Variants in SAMD3 observed in about 807,000 individuals in gnomAD.
SAMD3 encodes sterile alpha motif domain containing 3, also known as sterile alpha motif domain-containing protein 3.
Under a neutral mutation model 58.5 loss-of-function variants are expected in SAMD3, and 63 were observed. That is an observed-to-expected ratio of 1.08 (90% CI 0.88 to 1.33). SAMD3 has a LOEUF of 1.33. Among genes scored for constraint, SAMD3 ranks in the 40% most tolerant of loss-of-function variants. The probability of loss-of-function intolerance (pLI) is 0.00; values close to 1 mark genes in which losing one functional copy is unlikely to be tolerated. For missense variants in SAMD3, 604 were observed against 608.4 expected, an observed-to-expected ratio of 0.99 and a Z score of 0.08; for synonymous variants, 220 against 210.3, an observed-to-expected ratio of 1.05 and a Z score of -0.40.
At chr6:130,247,913 TTC>T (rs1773607454) in intron 2 of SAMD3, among the ~76,000 whole-genome samples, 1 of 152,212 alleles carries the variant, frequency 6.6e-6, no homozygotes, top group African/African-American at 2.4e-5. Flanking sequence ...TCTAGTGTGT[TTC>T]TGTTTCTGCT....
At chr6:130,310,911 C>T (rs1776128603) in intron 2 of SAMD3, among the ~76,000 whole-genome samples, 1 of 152,136 alleles carries the variant, frequency 6.6e-6, no homozygotes, top group South Asian at 2.1e-4. Context: ...TTCGATTTTT[C>T]AATGATTAAA....
intron 1 of SAMD3, among the ~76,000 whole-genome samples, chr6:130,340,666 C>A (rs893386904): frequency 6.6e-6 from 1 of 152,158 alleles, no homozygotes; most frequent in Non-Finnish European, 1.5e-5. Flanking sequence ...TAGATTCTCA[C>A]AATTTCATCT....
At chr6:130,322,588 AT>A (rs1776623212) in intron 1 of SAMD3, among the ~76,000 whole-genome samples, 1 of 152,152 alleles carries the variant, frequency 6.6e-6, no homozygotes, top group East Asian at 1.9e-4. Flanking sequence ...GTGAGCCGAG[AT>A]TGCACCACTG....
rs143945413 is a variant in SAMD3 at position 130,183,904 on chromosome 6, A to G, written c.654+199T>C. Among the ~76,000 whole-genome samples, 450 of 152,314 alleles carry G rather than the reference A, an allele frequency of 3.0e-3. 2 individuals carry two copies. Among genetic ancestry groups the G allele is most frequent in the African/African-American group, 0.011 (438 of 41,568 alleles). ...CATGGACTAACAGAAAGTGAAAGAC[A>G]GAAACAAAGTTGGAGAGAGATTAAA... On this transcript the variant is annotated intron_variant, in intron 7 of 11. Transcript: ENST00000439090.
chr6:130,143,304 T>C (rs6913903), downstream of SAMD3: 141,045 of 152,368 alleles, frequency 0.93, 65,417 homozygotes, highest in East Asian at 1. Context: ...GGAGTACAAT[T>C]GCATGATCTT....
intron 1 of SAMD3, among the ~76,000 whole-genome samples, chr6:130,351,969 A>G (rs1488352878): frequency 6.6e-6 from 1 of 151,452 alleles, no homozygotes; most frequent in Non-Finnish European, 1.5e-5. Flanking sequence ...AAGGACAAAA[A>G]ACCAAACACC....
intron 9 of SAMD3, among the ~76,000 whole-genome samples, chr6:130,148,429 C>T (rs1345994709): frequency 6.6e-6 from 1 of 152,198 alleles, no homozygotes; most frequent in Non-Finnish European, 1.5e-5. Flanking sequence ...GCAAGCACTT[C>T]CTTCATTTCT....
chr6:130,208,381 C>T (rs1795255920), intron 5 of SAMD3, among the ~76,000 whole-genome samples: 1 of 152,154 alleles, frequency 6.6e-6, no homozygotes, highest in Admixed American at 6.6e-5. Context: ...GGTTCTTAAC[C>T]CTCAGGACAC....
intron 2 of SAMD3, among the ~76,000 whole-genome samples, chr6:130,246,498 AC>A (rs1773550282): frequency 7.0e-6 from 1 of 142,664 alleles, no homozygotes; most frequent in Non-Finnish European, 1.5e-5. Flanking sequence ...ATGCCTTGGC[AC>A]TTGTATTGGT....
chr6:130,215,344 C>T, intron 2 of SAMD3, 50 bp from the exon 3 acceptor site: 3 of 1,291,310 alleles, frequency 2.3e-6, no homozygotes, highest in Middle Eastern at 1.9e-4. Context: ...TCTGATTGTG[C>T]CTTAATTTTT....
At chr6:130,298,587 G>A (rs916063782) in intron 2 of SAMD3, among the ~76,000 whole-genome samples, 8 of 151,978 alleles carry the variant, frequency 5.3e-5, no homozygotes, top group African/African-American at 1.4e-4. Context: ...ACTAAATGCC[G>A]ACATCACAAA....
chr6:130,308,395 A>ATTCTATTCTATTCT (rs1346729326), intron 2 of SAMD3, among the ~76,000 whole-genome samples: 206 of 142,720 alleles, frequency 1.4e-3, no homozygotes, highest in African/African-American at 2.9e-3. Context: ...ATTCTATTCT[A>ATTCTATTCTATTCT]TTCTATTCTA....
chr6:130,262,030 C>T (rs759200553), intron 2 of SAMD3, among the ~76,000 whole-genome samples: 7 of 150,182 alleles, frequency 4.7e-5, no homozygotes, highest in Non-Finnish European at 8.9e-5. Context: ...GAGAGAAAGA[C>T]AAAGTCAAAG....
exon 1 of SAMD3, chr6:130,365,408 G>A: frequency 2.0e-6 from 2 of 985,476 alleles, no homozygotes; most frequent in Non-Finnish European, 2.4e-6. Flanking sequence ...GACGGAGCGG[G>A]CCTTGGCCGC....
At chr6:130,283,449 T>C (rs919548151) in intron 2 of SAMD3, among the ~76,000 whole-genome samples, 1 of 152,162 alleles carries the variant, frequency 6.6e-6, no homozygotes, top group Non-Finnish European at 1.5e-5. Flanking sequence ...TAGAGCCTTA[T>C]AGTAAAACCA....
intron 5 of SAMD3, among the ~76,000 whole-genome samples, chr6:130,194,097 C>G (rs1312852789): frequency 2.0e-5 from 3 of 152,200 alleles, no homozygotes; most frequent in Non-Finnish European, 4.4e-5. Context: ...CCCCTCCTCA[C>G]ACCCAGTCTG....
At chr6:130,342,221 T>C (rs1777296551) in intron 1 of SAMD3, among the ~76,000 whole-genome samples, 1 of 152,158 alleles carries the variant, frequency 6.6e-6, no homozygotes, top group Non-Finnish European at 1.5e-5. Flanking sequence ...TCAAATAAAA[T>C]AGAATGGTTA....
At chr6:130,232,243 A>G (rs1210848695) in intron 2 of SAMD3, among the ~76,000 whole-genome samples, 10 of 152,302 alleles carry the variant, frequency 6.6e-5, no homozygotes, top group Non-Finnish European at 1.5e-5. Flanking sequence ...GAACAGTCTT[A>G]CAATAGACTG....
exon 1 of SAMD3, chr6:130,365,333 C>T (rs1020571097): frequency 8.6e-5 from 85 of 985,434 alleles, no homozygotes; most frequent in Non-Finnish European, 8.9e-5. Context: ...CCATTTCCCC[C>T]GCCCATGGTT....
Sources: gnomAD v4.1 joint callset for allele counts (sites outside exome capture counted in the v4.1 genomes callset) on GRCh38, gnomAD v4.1.1 for gene constraint, MANE v1.5 for transcripts, NCBI Gene and HGNC (gene_info 2026-07-23, HGNC 2026-07-21) for gene names.